Variants in ACTR3B observed in about 807,000 individuals in gnomAD.
ACTR3B encodes actin-related protein 3B.
A neutral mutation model predicts 59.0 loss-of-function variants in ACTR3B; 8 were observed. The observed-to-expected ratio is 0.14, with a 90% CI of 0.08 to 0.24. The LOEUF (loss-of-function observed/expected upper bound fraction) is 0.24, where lower values mean the gene tolerates loss of function less well. Among genes scored for constraint, ACTR3B ranks in the 10% least tolerant of loss-of-function variants. The pLI, the probability that ACTR3B is intolerant of heterozygous loss-of-function variation, is 1.00. For missense variants in ACTR3B, 245 were observed against 552.3 expected, an observed-to-expected ratio of 0.44 and a Z score of 5.58; for synonymous variants, 148 against 197.9, an observed-to-expected ratio of 0.75 and a Z score of 2.12.
chr7:152,820,161 G>A lies in ACTR3B; in HGVS notation c.541-138G>A, dbSNP rs1427519223. 8.9e-6 allele frequency: 13 copies of A among 1,466,140 alleles called. No individual in the cohort carries two copies. In the East Asian group the frequency reaches 2.8e-4, roughly 32 times the overall value. The allele number at this position is 1,466,140 out of a possible 1,614,324, so 90.8% of individuals were successfully genotyped here. On this transcript the variant is annotated intron_variant, in intron 6 of 11. Transcript: ENST00000256001. ...AAAGACCTTCTGTACTGAGCTTGCAGAGGGTGGGGATTATGTAAATGCTTG... is the reference window on the plus strand; with the variant it reads ...AAAGACCTTCTGTACTGAGCTTGCAAAGGGTGGGGATTATGTAAATGCTTG...
chr7:152,845,356 G>A (rs1798187883), intron 9 of ACTR3B, among the ~76,000 whole-genome samples: 1 of 152,146 alleles, frequency 6.6e-6, no homozygotes, highest in Non-Finnish European at 1.5e-5. Flanking sequence ...GAAGCACCTT[G>A]ATGGCACAGG....
chr7:152,809,740 A>G (rs2098263890), intron 4 of ACTR3B, among the ~76,000 whole-genome samples: 1 of 151,818 alleles, frequency 6.6e-6, no homozygotes, highest in Non-Finnish European at 1.5e-5. Context: ...ACGGGGTTTC[A>G]CTGTGTTGGT....
intron 1 of ACTR3B, among the ~76,000 whole-genome samples, chr7:152,765,415 C>CTT (rs761753992): frequency 2.8e-4 from 36 of 128,794 alleles, no homozygotes; most frequent in African/African-American, 3.4e-4. Context: ...CTGCGCCTGG[C>CTT]TTTTTTTTTT....
chr7:152,765,431 T>G (rs1448134511), intron 1 of ACTR3B, among the ~76,000 whole-genome samples: 1 of 151,058 alleles, frequency 6.6e-6, no homozygotes, highest in Non-Finnish European at 1.5e-5. Flanking sequence ...TTTTTTTTTT[T>G]TAAATAGTCA....
chr7:152,824,967 T>A lies in ACTR3B; in HGVS notation c.859-63T>A. 6.6e-7 allele frequency: 1 copy of A among 1,510,598 alleles called. No homozygotes were observed. Among genetic ancestry groups the A allele is most frequent in the Non-Finnish European group, 9.0e-7 (1 of 1,105,758 alleles). The allele number at this position is 1,510,598 out of a possible 1,614,324, so 93.6% of individuals were successfully genotyped here. ...ATTTGTTAAAGTTACTTTAAAGAAGTGTGCATGTTGTTCTATTTGAGAGAA... is the reference window on the plus strand; with the variant it reads ...ATTTGTTAAAGTTACTTTAAAGAAGAGTGCATGTTGTTCTATTTGAGAGAA... On this transcript the variant is annotated intron_variant, in intron 8 of 11. Transcript: ENST00000256001. The surrounding 1 kb of genome is among the most constrained non-coding windows in gnomAD (Gnocchi z 4.2).
Position 152,800,538 on chromosome 7 carries a change from C to T in ACTR3B, c.108C>T (p.Ala36=). ...EPQFIIPSCI[A]IRESAKVVDQ... is the part of the protein sequence containing the mutation. Reference sequence around the variant, plus strand: ...GTGTGTGTTTTTTTTAAGGTATTGCCATCAGAGAGTCAGCAAAGGTAGTTG... The same window carrying T: ...GTGTGTGTTTTTTTTAAGGTATTGCTATCAGAGAGTCAGCAAAGGTAGTTG... Residue 36 remains alanine, a synonymous_variant, in exon 3 of 12, where the codon GCC becomes GCT. Transcript: ENST00000256001. 3 of 1,612,842 alleles carry T rather than the reference C, an allele frequency of 1.9e-6. No individual in the cohort carries two copies. The highest frequency in any genetic ancestry group is 2.5e-6 in the Non-Finnish European group (3 of 1,179,426).
At position 152,833,258 on chromosome 7, in the gene ACTR3B, GCGGCCGTT is replaced by G. The variant is rs1333240297; in HGVS notation, c.951+8137_951+8144del. Among the ~76,000 whole-genome samples the G allele has an allele frequency of 3.0e-4, 45 of 152,328 alleles. No homozygotes were observed. In the South Asian group the frequency reaches 8.3e-3, roughly 28 times the overall value. On this transcript the variant is annotated intron_variant, in intron 9 of 11. Coordinates refer to ENST00000256001, the MANE Select transcript of ACTR3B (RefSeq NM_020445.6). ...TAATTGTTATGTCCCTTCCCATCAG[GCGGCCGTT>G]GAGGGCTGGACCTGGAGATTGGCTT...
chr7:152,777,796 C>A (rs1394247244), intron 1 of ACTR3B, among the ~76,000 whole-genome samples: 2 of 151,944 alleles, frequency 1.3e-5, no homozygotes, highest in African/African-American at 4.8e-5. Context: ...ACTAAAAATA[C>A]AAAAATTAGC....
chr7:152,814,748 C>T (rs1795550258), intron 5 of ACTR3B, 103 bp downstream of exon 5: 1 of 913,956 alleles, frequency 1.1e-6, no homozygotes, highest in South Asian at 1.7e-5. Flanking sequence ...CGCTGTGTGC[C>T]CTTCCTTTTT....
At chr7:152,773,953 G>A (rs3107851) in intron 1 of ACTR3B, among the ~76,000 whole-genome samples, 5 of 152,100 alleles carry the variant, frequency 3.3e-5, no homozygotes, top group African/African-American at 1.2e-4. Flanking sequence ...GGGCACCAAC[G>A]AGTTCCAGAG....
At chr7:152,806,139 A>G (rs1387410551) in intron 4 of ACTR3B, among the ~76,000 whole-genome samples, 1 of 152,246 alleles carries the variant, frequency 6.6e-6, no homozygotes, top group Admixed American at 6.5e-5. Context: ...AAAACCCAGA[A>G]AAACTGGACG....
At chr7:152,774,656 A>C (rs1321234494) in intron 1 of ACTR3B, among the ~76,000 whole-genome samples, 1 of 152,118 alleles carries the variant, frequency 6.6e-6, no homozygotes, top group Non-Finnish European at 1.5e-5. Flanking sequence ...TATATATACG[A>C]AGTAACATAG....
chr7:152,825,398 A>G lies in ACTR3B; in HGVS notation c.951+276A>G, dbSNP rs932243265. Reference sequence around the variant, plus strand: ...GCGATCTCAGCTCACTATAACCTCCACCTCCTGGGTTCAAGCAATTCTCCT... The same window carrying G: ...GCGATCTCAGCTCACTATAACCTCCGCCTCCTGGGTTCAAGCAATTCTCCT... On this transcript the variant is annotated intron_variant, in intron 9 of 11. Transcript: ENST00000256001. Among the ~76,000 whole-genome samples, 5 of 151,884 alleles carry G rather than the reference A, an allele frequency of 3.3e-5. No homozygotes were observed. The South Asian group carries it at 6.3e-4, about 19-fold the overall frequency.
intron 11 of ACTR3B, 65 bp downstream of exon 11, chr7:152,853,642 A>G: frequency 7.1e-7 from 1 of 1,410,992 alleles, no homozygotes; most frequent in Non-Finnish European, 9.9e-7. Flanking sequence ...TTGGGTAAAT[A>G]CTGTCTACGA....
chr7:152,787,478 T>C (rs1234815118), intron 2 of ACTR3B, among the ~76,000 whole-genome samples: 2 of 151,966 alleles, frequency 1.3e-5, no homozygotes, highest in African/African-American at 4.8e-5. Context: ...TCTTTTTCTT[T>C]TATAATTTGT....
In ACTR3B at chr7:152,822,956, G is replaced by T. The variant is rs530653896; in HGVS notation, c.685-386G>T. Among the ~76,000 whole-genome samples the T allele has an allele frequency of 2.6e-5, 4 of 152,358 alleles. No individual in the cohort carries two copies. In the East Asian group the frequency reaches 7.7e-4, roughly 29 times the overall value. On this transcript the variant is annotated intron_variant, in intron 7 of 11. Transcript: ENST00000256001. ...CACTCGGTAGTTGAGCTTGCAGCAC[G>T]GGTCCGCTGGTCCAGTGTGGACCAC...
intron 1 of ACTR3B, among the ~76,000 whole-genome samples, chr7:152,762,290 A>G (rs1458965307): frequency 6.6e-6 from 1 of 152,218 alleles, no homozygotes; most frequent in African/African-American, 2.4e-5. Context: ...TTTTCAGAGA[A>G]TATTTCACAA....
intron 4 of ACTR3B, among the ~76,000 whole-genome samples, chr7:152,807,020 GA>G (rs2098254274): frequency 6.6e-6 from 1 of 152,216 alleles, no homozygotes; most frequent in South Asian, 2.1e-4. Context: ...TGGCCAGGAG[GA>G]AGCTGTGGCA....
intron 4 of ACTR3B, among the ~76,000 whole-genome samples, chr7:152,810,408 G>GTTTT (rs1165466125): frequency 2.4e-5 from 3 of 126,896 alleles, no homozygotes; most frequent in East Asian, 2.4e-4. Flanking sequence ...CACCCAGCCT[G>GTTTT]TTTTTTTTTT....
Sources: gnomAD v4.1 joint callset for allele counts (sites outside exome capture counted in the v4.1 genomes callset) on GRCh38, gnomAD v4.1.1 for gene constraint, Gnocchi (gnomAD v3.1) non-coding constraint, MANE v1.5 for transcripts, NCBI Gene and HGNC (gene_info 2026-07-23, HGNC 2026-07-21) for gene names.